Variants in CCR9 observed in about 807,000 individuals in gnomAD.
The protein encoded by CCR9 is C-C chemokine receptor type 9.
In CCR9, 4 loss-of-function variants were observed where a neutral mutation model predicts 8.7. That is an observed-to-expected ratio of 0.46 (90% CI 0.23 to 1.06). CCR9 has a LOEUF of 1.06. CCR9 is among the 50% of genes least tolerant of loss of function. The pLI is 0.21. For missense variants in CCR9, 394 were observed against 453.6 expected (o/e 0.87, Z 1.19); for synonymous variants, 159 against 168.8 (o/e 0.94, Z 0.45).
At chr3:45,895,204 A>C in intron 2 of CCR9, 1 of 538,884 alleles carries the variant, frequency 1.9e-6, no homozygotes, top group South Asian at 2.6e-5. Context: ...TAAACAGCTA[A>C]GGATTTTTAA....
intron 2 of CCR9, 137 bp downstream of exon 2, chr3:45,895,091 G>A (rs1041089810): frequency 2.2e-5 from 20 of 905,776 alleles, no homozygotes; most frequent in South Asian, 1.5e-4. Context: ...CTGGCAATGC[G>A]CATTGCTGGG....
In CCR9 at chr3:45,901,828, C is replaced by T. The variant is rs889638802; in HGVS notation, c.1040C>T (p.Thr347Ile). ...AGCCAGGCCCAGTGGGTTTCATTTA[C>T]AAGGAGAGAGGGAAGCTTGAAGCTG... is the stretch of plus-strand genomic sequence containing the variant. Reference protein sequence around the residue: ...CISQAQWVSFTRREGSLKLSS... With the variant: ...CISQAQWVSFIRREGSLKLSS... The change falls in exon 3 of 3, where the codon ACA (threonine) becomes ATA (isoleucine). Residue 347 changes from threonine to isoleucine, a missense_variant. Transcript: ENST00000357632. The surrounding 1 kb of genome is among the most constrained non-coding windows in gnomAD (Gnocchi z 4.3). 3.7e-6 allele frequency: 6 copies of T among 1,613,502 alleles called. No homozygotes were observed. The highest frequency in any genetic ancestry group is 1.1e-5 in the South Asian group (1 of 91,064).
At chr3:45,890,348 A>ATATTT (rs1184589760) in intron 1 of CCR9, among the ~76,000 whole-genome samples, 1 of 5,374 alleles carries the variant, frequency 1.9e-4, no homozygotes, top group Non-Finnish European at 2.9e-4. Flanking sequence ...ATATATATAT[A>ATATTT]ACATATATAT....
At chr3:45,890,256 G>GAAATATATATATATATATTTAT (rs1402612474) in intron 1 of CCR9, among the ~76,000 whole-genome samples, 3 of 20,958 alleles carry the variant, frequency 1.4e-4, no homozygotes, top group African/African-American at 3.9e-4. Flanking sequence ...CTGGGTATTA[G>GAAATATATATATATATATTTAT]AAATATATAT....
At chr3:45,887,047 C>T (rs1702001762) in intron 1 of CCR9, among the ~76,000 whole-genome samples, 1 of 152,070 alleles carries the variant, frequency 6.6e-6, no homozygotes, top group Non-Finnish European at 1.5e-5. Context: ...AAACTGGAAA[C>T]AAGGAAACTA....
intron 2 of CCR9, among the ~76,000 whole-genome samples, chr3:45,895,378 G>A (rs1575299655): frequency 6.6e-6 from 1 of 152,200 alleles, no homozygotes; most frequent in Non-Finnish European, 1.5e-5. Flanking sequence ...ACACGTAACA[G>A]TATACATTCC....
Position 45,889,976 on chromosome 3 carries a change from G to A in CCR9, c.-29+3321G>A, listed in dbSNP as rs979735594. On this transcript the variant is annotated intron_variant, in intron 1 of 2. Coordinates refer to ENST00000357632, the MANE Select transcript of CCR9 (RefSeq NM_031200.3). ...GATGCGCTGCAGAGTCAGAGATGTT[G>A]TGCTTTGTAAATTTTGACAGATATG... Among the ~76,000 whole-genome samples, 4 of 151,254 alleles carry A rather than the reference G, an allele frequency of 2.6e-5. No homozygotes were observed. The East Asian group carries it at 7.8e-4, about 30-fold the overall frequency.
At chr3:45,890,329 A>G (rs1702129043) in intron 1 of CCR9, among the ~76,000 whole-genome samples, 2 of 73,156 alleles carry the variant, frequency 2.7e-5, no homozygotes, top group African/African-American at 1.3e-4. Flanking sequence ...ATATAAATAT[A>G]TATATAACAT....
chr3:45,894,013 C>A (rs1418508390), intron 1 of CCR9, among the ~76,000 whole-genome samples: 1 of 152,046 alleles, frequency 6.6e-6, no homozygotes, highest in Non-Finnish European at 1.5e-5. Context: ...TTTTCGAGAA[C>A]CTTGGGGTGT....
At chr3:45,886,109 C>T (rs566314401), upstream of CCR9, among the ~76,000 whole-genome samples, 9 of 152,332 alleles carry the variant, frequency 5.9e-5, no homozygotes, top group East Asian at 5.8e-4. Context: ...GGTTCTGGTA[C>T]GTCTGTCAAG....
At chr3:45,897,000 C>A (rs1486714415) in intron 2 of CCR9, among the ~76,000 whole-genome samples, 1 of 152,186 alleles carries the variant, frequency 6.6e-6, no homozygotes, top group African/African-American at 2.4e-5. Context: ...TGGGTGTTCA[C>A]AACTGGGACG....
At chr3:45,898,256 C>T (rs748416611) in intron 2 of CCR9, among the ~76,000 whole-genome samples, 16 of 152,280 alleles carry the variant, frequency 1.1e-4, no homozygotes, top group Admixed American at 3.3e-4. Flanking sequence ...TCCTACAGGA[C>T]GACTGTCTTA....
intron 2 of CCR9, chr3:45,897,759 CT>C (rs1702404948): frequency 3.3e-6 from 2 of 610,054 alleles, no homozygotes; most frequent in African/African-American, 3.8e-5. Context: ...CCCTTGCCTT[CT>C]TCTTTCTTCC....
In CCR9 at chr3:45,901,593, C is replaced by T; in HGVS notation, c.805C>T (p.Pro269Ser). The T allele has an allele frequency of 6.2e-7, 1 of 1,614,222 alleles. No homozygotes were observed. Reference sequence around the variant, plus strand: ...GACCGTCTTTGTCTTGTCTCAGTTTCCCTACAACTGCATTTTGTTGGTGCA... The same window carrying T: ...GACCGTCTTTGTCTTGTCTCAGTTTTCCTACAACTGCATTTTGTTGGTGCA... Reference protein sequence around the residue: ...VLTVFVLSQFPYNCILLVQTI... With the variant: ...VLTVFVLSQFSYNCILLVQTI... Residue 269 changes from proline (P) to serine (S), a missense_variant, in exon 3 of 3, where the codon CCC becomes TCC. Pro to Ser is a moderately conservative substitution (Grantham distance 74). Coordinates refer to ENST00000357632, the MANE Select transcript of CCR9 (RefSeq NM_031200.3). The surrounding 1 kb of genome is among the most constrained non-coding windows in gnomAD (Gnocchi z 4.3).
At position 45,901,802 on chromosome 3, in the gene CCR9, C is replaced by A; in HGVS notation, c.1014C>A (p.Ile338=). The A allele has an allele frequency of 6.2e-7, 1 of 1,614,128 alleles. No homozygotes were observed. Among genetic ancestry groups the A allele is most frequent in the Admixed American group, 1.7e-5 (1 of 60,020 alleles). ...LVKTLKNLGC[I]SQAQWVSFTR... ...AAACCCTGAAGAACTTGGGTTGCAT[C>A]AGCCAGGCCCAGTGGGTTTCATTTA... Residue 338 remains isoleucine (I), a synonymous_variant, in exon 3 of 3, where the codon ATC becomes ATA. Coordinates refer to ENST00000357632, the MANE Select transcript of CCR9 (RefSeq NM_031200.3). This position sits in a 1 kb window ranked among gnomAD's most constrained non-coding sequence, Gnocchi z 4.3.
At chr3:45,888,020 A>T (rs565591451) in intron 1 of CCR9, among the ~76,000 whole-genome samples, 1 of 152,376 alleles carries the variant, frequency 6.6e-6, no homozygotes, top group South Asian at 2.1e-4. Context: ...AAGTGTGGGG[A>T]GATGCTGTGT....
At chr3:45,889,551 C>T (rs1281578414) in intron 1 of CCR9, among the ~76,000 whole-genome samples, 1 of 151,974 alleles carries the variant, frequency 6.6e-6, no homozygotes, top group African/African-American at 2.4e-5. Context: ...ATTTTACACA[C>T]TTGGTAAGAT....
At chr3:45,889,784 A>G (rs1702091548) in intron 1 of CCR9, among the ~76,000 whole-genome samples, 1 of 151,852 alleles carries the variant, frequency 6.6e-6, no homozygotes, top group Admixed American at 6.6e-5. Context: ...CATGAGGACC[A>G]TCCTTGTTTA....
chr3:45,899,317 A>G lies in CCR9; in HGVS notation c.22-1493A>G, dbSNP rs59817490. On this transcript the variant is annotated intron_variant, in intron 2 of 2. Transcript: ENST00000357632. ...GTTCCACCTAAAACATGGTTTGGGA[A>G]ATGCTAGACAGATCTACTAGAAATA... 7.1e-3 allele frequency among the ~76,000 whole-genome samples: 1,088 copies of G among 152,370 alleles called. 13 individuals are homozygous for G. The highest frequency in any genetic ancestry group is 0.037 in the Middle Eastern group (11 of 294).
Sources: allele counts gnomAD v4.1 joint callset (sites outside exome capture counted in the v4.1 genomes callset), GRCh38; gene constraint gnomAD v4.1.1; non-coding constraint Gnocchi (gnomAD v3.1); transcripts MANE v1.5; gene names NCBI Gene and HGNC (gene_info 2026-07-23, HGNC 2026-07-21).